The following CLSTN2 variants were observed in gnomAD, a reference collection of about 807,000 sequenced individuals.
CLSTN2 encodes calsyntenin-2.
Under a neutral mutation model 101.2 loss-of-function variants are expected in CLSTN2, and 48 were observed. The observed-to-expected ratio is 0.47, with a 90% CI of 0.38 to 0.60. The LOEUF is 0.60. Among genes scored for constraint, CLSTN2 ranks in the 20% least tolerant of loss-of-function variants. CLSTN2 has a pLI of 0.00. For synonymous variants in CLSTN2, 481 were observed against 463.6 expected (o/e 1.04, Z -0.48); for missense variants, 1,160 against 1,238.2 (o/e 0.94, Z 0.95).
chr3:139,958,432 T>G (rs1042392477), intron 1 of CLSTN2, among the ~76,000 whole-genome samples: 1 of 152,150 alleles, frequency 6.6e-6, no homozygotes, highest in Non-Finnish European at 1.5e-5. Flanking sequence ...GCCTCAGTGA[T>G]TACTTTTCTT....
chr3:140,124,121 A>G (rs2009391623), intron 1 of CLSTN2, among the ~76,000 whole-genome samples: 1 of 152,152 alleles, frequency 6.6e-6, no homozygotes. Flanking sequence ...CTGCTGGAGA[A>G]AGGCATATGG....
intron 7 of CLSTN2, chr3:140,461,251 A>AAGTAGAAGTCAGTGCCAGTGT (rs1933556572): frequency 6.6e-6 from 1 of 152,162 alleles, no homozygotes; most frequent in Non-Finnish European, 1.5e-5. Context: ...AGTGCCAAGG[A>AAGTAGAAGTCAGTGCCAGTGT]CAGGTTTTTC....
intron 2 of CLSTN2, among the ~76,000 whole-genome samples, chr3:140,281,680 G>T (rs2086848784): frequency 6.6e-6 from 1 of 152,108 alleles, no homozygotes; most frequent in African/African-American, 2.4e-5. Context: ...GAAGCATCAA[G>T]TTTTGAGATG....
intron 2 of CLSTN2, among the ~76,000 whole-genome samples, chr3:140,362,719 A>G (rs1169438669): frequency 1.3e-5 from 2 of 152,208 alleles, no homozygotes; most frequent in African/African-American, 4.8e-5. Flanking sequence ...AATGGTACTC[A>G]ATCAATATAA....
rs541534920 is a variant in CLSTN2 at position 140,092,418 on chromosome 3, T to C, written c.110-83533T>C. ...GGTGTTCACTAAATTGTACTCAGTA[T>C]TGACAAACATTATCTGTTTCTCCTG... On this transcript the variant is annotated intron_variant, in intron 1 of 16. Transcript: ENST00000458420. 1.0e-3 allele frequency among the ~76,000 whole-genome samples: 156 copies of C among 152,334 alleles called. 1 individual carries two copies. Among genetic ancestry groups the C allele is most frequent in the African/African-American group, 3.7e-3 (152 of 41,566 alleles).
intron 1 of CLSTN2, among the ~76,000 whole-genome samples, chr3:140,057,859 A>G (rs2107771310): frequency 6.6e-6 from 1 of 152,316 alleles, no homozygotes; most frequent in South Asian, 2.1e-4. Flanking sequence ...CTAGGTTAAC[A>G]TTAGAGATTT....
intron 5 of CLSTN2, among the ~76,000 whole-genome samples, chr3:140,440,941 C>A (rs1325778181): frequency 1.3e-5 from 2 of 152,196 alleles, no homozygotes; most frequent in Non-Finnish European, 2.9e-5. Context: ...GTTAAGACAG[C>A]CACAGCAGAG....
chr3:140,458,598 G>A (rs1196782840), intron 6 of CLSTN2, among the ~76,000 whole-genome samples: 1 of 152,130 alleles, frequency 6.6e-6, no homozygotes, highest in Non-Finnish European at 1.5e-5. Flanking sequence ...CCTCCACAAA[G>A]TTGGTGATTC....
intron 1 of CLSTN2, among the ~76,000 whole-genome samples, chr3:140,019,686 G>A (rs185108700): frequency 9.8e-5 from 15 of 152,300 alleles, no homozygotes; most frequent in African/African-American, 3.4e-4. Context: ...AAAGGTTCTC[G>A]GAGGGTCAGA....
intron 10 of CLSTN2, among the ~76,000 whole-genome samples, chr3:140,550,815 C>G (rs1053080441): frequency 3.3e-5 from 5 of 151,212 alleles, no homozygotes; most frequent in Non-Finnish European, 5.9e-5. Context: ...GATACTGAAA[C>G]TTTTTATAAC....
intron 2 of CLSTN2, among the ~76,000 whole-genome samples, chr3:140,339,761 A>T (rs546391378): frequency 1.3e-5 from 2 of 152,348 alleles, no homozygotes; most frequent in South Asian, 4.1e-4. Flanking sequence ...ACCATTACAC[A>T]TGACATGGTT....
At chr3:140,244,189 C>T (rs551420123) in intron 2 of CLSTN2, among the ~76,000 whole-genome samples, 1 of 152,270 alleles carries the variant, frequency 6.6e-6, no homozygotes, top group East Asian at 1.9e-4. Context: ...CTTGTACTGC[C>T]TGCACCTGGA....
intron 6 of CLSTN2, among the ~76,000 whole-genome samples, chr3:140,456,307 A>G (rs1933396808): frequency 6.6e-6 from 1 of 152,028 alleles, no homozygotes. Flanking sequence ...TGATGGGTCC[A>G]CTCACTAGCT....
At chr3:140,450,382 G>A (rs1396017506) in intron 6 of CLSTN2, among the ~76,000 whole-genome samples, 3 of 152,166 alleles carry the variant, frequency 2.0e-5, no homozygotes, top group Non-Finnish European at 4.4e-5. Context: ...ATGAGAAAAA[G>A]AGCATCTCAT....
intron 2 of CLSTN2, among the ~76,000 whole-genome samples, chr3:140,202,417 A>G (rs1257352577): frequency 6.6e-6 from 1 of 152,216 alleles, no homozygotes; most frequent in Non-Finnish European, 1.5e-5. Context: ...AAAGAAGTCT[A>G]AGATGCCTAC....
intron 2 of CLSTN2, among the ~76,000 whole-genome samples, chr3:140,372,078 G>C (rs2087864144): frequency 6.6e-6 from 1 of 152,178 alleles, no homozygotes; most frequent in South Asian, 2.1e-4. Context: ...AAAGATCCTA[G>C]AGCTGGGAGG....
intron 1 of CLSTN2, among the ~76,000 whole-genome samples, chr3:140,146,003 G>A (rs1360600346): frequency 6.6e-6 from 1 of 152,178 alleles, no homozygotes. Context: ...GATGGACTTG[G>A]ACATGGGGTC....
Position 140,142,874 on chromosome 3 carries a change from G to A in CLSTN2, c.110-33077G>A, listed in dbSNP as rs2009724163. On this transcript the variant is annotated intron_variant, in intron 1 of 16. Transcript: ENST00000458420. ...GTCCTGTCCACCCCACAGGAAGTCA[G>A]AGGTGATGACCCATTTGAAAGTGCA... 2.0e-5 allele frequency among the ~76,000 whole-genome samples: 3 copies of A among 152,192 alleles called. No homozygotes were observed. The South Asian group carries it at 6.2e-4, about 32-fold the overall frequency.
At chr3:140,300,093 G>T (rs1164863429) in intron 2 of CLSTN2, among the ~76,000 whole-genome samples, 1 of 152,138 alleles carries the variant, frequency 6.6e-6, no homozygotes, top group Non-Finnish European at 1.5e-5. Context: ...TGCCCAGAAT[G>T]CAGTCTCGCT....
Sources: allele counts gnomAD v4.1 joint callset (sites outside exome capture counted in the v4.1 genomes callset), GRCh38; gene constraint gnomAD v4.1.1; transcripts MANE v1.5; gene names NCBI Gene and HGNC (gene_info 2026-07-23, HGNC 2026-07-21).